Variants in RAB38 observed in about 807,000 individuals in gnomAD.
RAB38 encodes the protein RAB38, member RAS oncogene family.
In RAB38, 15 loss-of-function variants were observed where a neutral mutation model predicts 18.4. The ratio of observed to expected loss-of-function variants is 0.82; its 90% CI spans 0.55 to 1.26. The LOEUF (loss-of-function observed/expected upper bound fraction) is 1.26. Ranked by LOEUF, RAB38 falls within the 50% of genes most tolerant of loss-of-function variation. The pLI, the probability that RAB38 is intolerant of heterozygous loss-of-function variation, is 0.00. For missense variants in RAB38, 294 were observed against 267.4 expected, an observed-to-expected ratio of 1.10 and a Z score of -0.69; for synonymous variants, 101 against 104.4, an observed-to-expected ratio of 0.97 and a Z score of 0.20.
chr11:88,164,014 C>G (rs996802633), intron 1 of RAB38, among the ~76,000 whole-genome samples: 1 of 151,978 alleles, frequency 6.6e-6, no homozygotes, highest in East Asian at 1.9e-4. Flanking sequence ...ACAGAAGGAC[C>G]AGCATCTCAT....
chr11:88,085,456 T>A, the RAB38 span, among the ~76,000 whole-genome samples: 3 of 151,902 alleles, frequency 2.0e-5, no homozygotes, highest in Non-Finnish European at 4.4e-5. Context: ...CAAATTCAGA[T>A]CTTTTGGCTC....
At chr11:88,104,701 C>T in the RAB38 span, among the ~76,000 whole-genome samples, 1 of 152,058 alleles carries the variant, frequency 6.6e-6, no homozygotes, top group South Asian at 2.1e-4. Context: ...TTTTCAGTGC[C>T]TGTGATTGAG....
At chr11:88,012,711 G>A in the RAB38 span, among the ~76,000 whole-genome samples, 1 of 152,110 alleles carries the variant, frequency 6.6e-6, no homozygotes, top group African/African-American at 2.4e-5. Context: ...CCTTTGTACT[G>A]GGGAAAGAGG....
In RAB38 at chr11:88,175,213, C is replaced by A; in HGVS notation, c.172G>T (p.Val58Leu). 6.2e-7 allele frequency: 1 copy of A among 1,613,334 alleles called. No homozygotes were observed. Among genetic ancestry groups the A allele is most frequent in the Non-Finnish European group, 8.5e-7 (1 of 1,179,664 alleles). ...ATATCCCAGAGCTGCAGGCGCACCACAGTCTCCGGGTCCCAGTGGAGCACC... is the reference window on the plus strand; with the variant it reads ...ATATCCCAGAGCTGCAGGCGCACCAAAGTCTCCGGGTCCCAGTGGAGCACC... ...LKVLHWDPET[V>L]VRLQLWDIAG... Residue 58 changes from valine to leucine, a missense_variant, in exon 1 of 3, where the codon GTG (valine) becomes TTG (leucine). By Grantham distance (32) the Val-to-Leu change is conservative (BLOSUM62 1). Transcript: ENST00000243662.
At chr11:88,046,901 C>G in the RAB38 span, among the ~76,000 whole-genome samples, 1 of 152,170 alleles carries the variant, frequency 6.6e-6, no homozygotes, top group Non-Finnish European at 1.5e-5. Flanking sequence ...CCTGACTTAT[C>G]CCAACACTTC....
At chr11:87,908,652 T>C in the RAB38 span, among the ~76,000 whole-genome samples, 1 of 151,804 alleles carries the variant, frequency 6.6e-6, no homozygotes, top group African/African-American at 2.4e-5. Context: ...GGTTGAGTCA[T>C]TTTTTTTAAG....
rs1360168007 is a variant in RAB38, at chr11:88,149,819, A to T, written c.339T>A (p.Ser113Arg). Residue 113 changes from serine (S) to arginine (R), a missense_variant, in exon 2 of 3, where the codon AGT (serine) becomes AGA (arginine). By Grantham distance (110) the Ser-to-Arg change is moderately radical. Coordinates refer to ENST00000243662, the MANE Select transcript of RAB38 (RefSeq NM_022337.3). Reference protein sequence around the residue: ...KWKNDLDSKLSLPNGKPVSVV... With the variant: ...KWKNDLDSKLRLPNGKPVSVV... The stretch of plus-strand genomic sequence containing the variant: ...CTGAAACCGGTTTGCCATTAGGGAG[A>T]CTTAACTTGGAGTCCAAATCATTTT... 6.2e-7 allele frequency: 1 copy of T among 1,613,984 alleles called. No homozygotes were observed. The highest frequency in any genetic ancestry group is 2.2e-5 in the East Asian group (1 of 44,864).
the RAB38 span, among the ~76,000 whole-genome samples, chr11:87,848,017 C>A: frequency 2.0e-5 from 3 of 152,108 alleles, no homozygotes; most frequent in Non-Finnish European, 2.9e-5. Flanking sequence ...GAGTTTTATT[C>A]TATTAAACCA....
At chr11:88,149,607 T>C (rs757412520) in intron 2 of RAB38, 68 bp downstream of exon 2, 7 of 1,488,238 alleles carry the variant, frequency 4.7e-6, no homozygotes, top group African/African-American at 4.2e-5. Flanking sequence ...ATGATGATGG[T>C]GATGATTATG....
the RAB38 span, among the ~76,000 whole-genome samples, chr11:88,094,763 A>T: frequency 1.3e-5 from 2 of 151,932 alleles, no homozygotes; most frequent in African/African-American, 4.8e-5. Flanking sequence ...ATCTCACTTT[A>T]AATTTGTAAC....
chr11:88,024,776 A>T, the RAB38 span, among the ~76,000 whole-genome samples: 3 of 151,316 alleles, frequency 2.0e-5, no homozygotes, highest in African/African-American at 7.3e-5. Flanking sequence ...CAAACATCTC[A>T]TGTTCTCACT....
chr11:87,827,223 G>A, the RAB38 span, among the ~76,000 whole-genome samples: 1 of 152,194 alleles, frequency 6.6e-6, no homozygotes, highest in South Asian at 2.1e-4. Context: ...ATATCATGGA[G>A]TAGAATGGAA....
chr11:87,972,405 C>T, the RAB38 span, among the ~76,000 whole-genome samples: 1 of 152,054 alleles, frequency 6.6e-6, no homozygotes, highest in Non-Finnish European at 1.5e-5. Context: ...TATACTCACT[C>T]ACTTTACAGA....
At chr11:87,851,494 G>C in the RAB38 span, among the ~76,000 whole-genome samples, 1 of 152,152 alleles carries the variant, frequency 6.6e-6, no homozygotes, top group Non-Finnish European at 1.5e-5. Flanking sequence ...AAGATAAACT[G>C]TTTTCATTGC....
chr11:88,052,927 TATATATA>T, the RAB38 span, among the ~76,000 whole-genome samples: 10,152 of 43,808 alleles, frequency 0.23, 1,086 homozygotes, highest in Middle Eastern at 0.27. Flanking sequence ...TATATATATA[TATATATA>T]TATATATATA....
intron 2 of RAB38, among the ~76,000 whole-genome samples, chr11:88,138,815 C>T (rs1293507067): frequency 6.7e-6 from 1 of 148,902 alleles, no homozygotes; most frequent in Non-Finnish European, 1.5e-5. Context: ...CGGAGTCTTG[C>T]TCTGTCGCCC....
At chr11:87,826,848 G>C in the RAB38 span, among the ~76,000 whole-genome samples, 1 of 152,122 alleles carries the variant, frequency 6.6e-6, no homozygotes, top group East Asian at 1.9e-4. Flanking sequence ...TGACTCCAAG[G>C]CCTGGGTCAT....
chr11:87,927,331 A>G, the RAB38 span, among the ~76,000 whole-genome samples: 1 of 152,030 alleles, frequency 6.6e-6, no homozygotes, highest in Non-Finnish European at 1.5e-5. Flanking sequence ...ATTTAGAATC[A>G]TTTTTGTTTT....
chr11:87,904,491 A>C, the RAB38 span, among the ~76,000 whole-genome samples: 3 of 151,780 alleles, frequency 2.0e-5, no homozygotes, highest in Non-Finnish European at 4.4e-5. Context: ...CCAATACACC[A>C]CTGATGGGTG....
Sources: gnomAD v4.1 joint callset for allele counts (sites outside exome capture counted in the v4.1 genomes callset) on GRCh38, gnomAD v4.1.1 for gene constraint, MANE v1.5 for transcripts, NCBI Gene and HGNC (gene_info 2026-07-23, HGNC 2026-07-21) for gene names.